Variants in MTERF3 observed in about 807,000 individuals in gnomAD.
MTERF3 encodes transcription termination factor 3, mitochondrial.
Under a neutral mutation model 40.5 loss-of-function variants are expected in MTERF3, and 40 were observed. That is an observed-to-expected ratio of 0.99 (90% CI 0.77 to 1.29). MTERF3 has a LOEUF of 1.29. MTERF3 is among the 50% of genes most tolerant of loss of function. The probability of loss-of-function intolerance (pLI) is 0.00; values close to 1 mark genes in which losing one functional copy is unlikely to be tolerated. For missense variants in MTERF3, 452 were observed against 478.2 expected, an observed-to-expected ratio of 0.95 and a Z score of 0.51; for synonymous variants, 158 against 166.6, an observed-to-expected ratio of 0.95 and a Z score of 0.40.
intron 1 of MTERF3, among the ~76,000 whole-genome samples, chr8:96,260,990 T>C (rs1457701461): frequency 6.6e-6 from 1 of 152,170 alleles, no homozygotes; most frequent in East Asian, 1.9e-4. Flanking sequence ...CCCTGTAAGG[T>C]GGTAACCTGA....
At chr8:96,258,148 T>C (rs1193543284) in intron 2 of MTERF3, 1 of 684,834 alleles carries the variant, frequency 1.5e-6, no homozygotes, top group East Asian at 1.3e-4. Context: ...TATGTGTAGC[T>C]ATAAAATAAT....
rs563023914 is a variant in MTERF3, at chr8:96,260,381, G to A, written c.-11+1120C>T. The A allele has an allele frequency of 2.0e-5, 3 of 150,186 alleles. No individual in the cohort carries two copies. The East Asian group carries it at 5.9e-4, about 30-fold the overall frequency. 9.3% of individuals were successfully genotyped at this position (150,186 alleles called of 1,614,324 possible). ...ACTAAATTGAAAGTCAGAAGACCTCGGTTGTGCTACCTTGACAAGGCTGTT... is the reference window on the plus strand; with the variant it reads ...ACTAAATTGAAAGTCAGAAGACCTCAGTTGTGCTACCTTGACAAGGCTGTT... On this transcript the variant is annotated intron_variant, in intron 1 of 7. Transcript: ENST00000287025.
chr8:96,248,132 A>G (rs1005325834), intron 4 of MTERF3, among the ~76,000 whole-genome samples: 4 of 152,262 alleles, frequency 2.6e-5, no homozygotes, highest in Admixed American at 2.0e-4. Context: ...GAGAGTATAA[A>G]CTGGAAAACA....
At chr8:96,250,146 A>C (rs1810097399) in intron 4 of MTERF3, among the ~76,000 whole-genome samples, 1 of 152,174 alleles carries the variant, frequency 6.6e-6, no homozygotes, top group South Asian at 2.1e-4. Flanking sequence ...AGTGCTCCTT[A>C]AGAAGAAAAC....
chr8:96,250,696 G>GAAGAAGAA (rs1554580097), intron 4 of MTERF3, among the ~76,000 whole-genome samples: 1 of 25,038 alleles, frequency 4.0e-5, no homozygotes, highest in African/African-American at 1.7e-4. Context: ...GGAGGAGGAG[G>GAAGAAGAA]GGGGGAGGGG....
At chr8:96,245,531 G>C (rs1810005271) in intron 6 of MTERF3, among the ~76,000 whole-genome samples, 1 of 152,180 alleles carries the variant, frequency 6.6e-6, no homozygotes, top group Non-Finnish European at 1.5e-5. Flanking sequence ...TGGTAACACT[G>C]CCCAGGTAAC....
chr8:96,250,272 C>T (rs996400876), intron 4 of MTERF3, among the ~76,000 whole-genome samples: 10 of 150,136 alleles, frequency 6.7e-5, no homozygotes, highest in Non-Finnish European at 1.2e-4. Flanking sequence ...ACTACAAAAA[C>T]CACAAAAGAT....
chr8:96,250,699 GGGA>G (rs1563549218), intron 4 of MTERF3, among the ~76,000 whole-genome samples: 27 of 55,030 alleles, frequency 4.9e-4, no homozygotes, highest in South Asian at 8.6e-4. Flanking sequence ...GGAGGAGGGG[GGGA>G]GGGGGAGGGG....
At chr8:96,261,203 C>T (rs761152438) in intron 1 of MTERF3, among the ~76,000 whole-genome samples, 2 of 152,192 alleles carry the variant, frequency 1.3e-5, no homozygotes, top group Non-Finnish European at 2.9e-5. Context: ...GGGGCAGCTT[C>T]CTAATAAAGG....
intron 4 of MTERF3, 42 bp downstream of exon 4, chr8:96,250,864 A>G (rs1395445885): frequency 1.3e-6 from 2 of 1,540,472 alleles, no homozygotes; most frequent in African/African-American, 2.8e-5. Flanking sequence ...TTCCTTCATA[A>G]CCACTTCTTA....
rs1238692856 is a variant in MTERF3, at chr8:96,258,409, C to T, written c.282G>A (p.Gln94=). 3 of 1,613,992 alleles carry T rather than the reference C, an allele frequency of 1.9e-6. No individual in the cohort carries two copies. The highest frequency in any genetic ancestry group is 2.5e-6 in the Non-Finnish European group (3 of 1,179,972). ...TGGATATATTTTGTGTCTTCTGTGACTGTTCATTCATGGAAGGAAGCAGAC... is the reference window on the plus strand; with the variant it reads ...TGGATATATTTTGTGTCTTCTGTGATTGTTCATTCATGGAAGGAAGCAGAC... ...QSSLLPSMNE[Q]SQKTQNISSF... Residue 94 remains glutamine (Q), a synonymous_variant, in exon 2 of 8, where the codon CAG becomes CAA. Coordinates refer to ENST00000287025, the MANE Select transcript of MTERF3 (RefSeq NM_015942.5).
Position 96,239,513 on chromosome 8 carries a change from T to G in MTERF3, c.1232A>C (p.Glu411Ala). The change falls in exon 8 of 8, where the codon GAA becomes GCA. Residue 411 changes from glutamate to alanine, a missense_variant. Coordinates refer to ENST00000287025, the MANE Select transcript of MTERF3 (RefSeq NM_015942.5). ...AATCTAAAGCGTTTTTAAGAATTTTTCAAAGTCCTGTACTGATGCTTTGGC... is the reference window on the plus strand; with the variant it reads ...AATCTAAAGCGTTTTTAAGAATTTTGCAAAGTCCTGTACTGATGCTTTGGC... Reference protein sequence around the residue: ...EIAKASVQDFEKFLKTL With the variant: ...EIAKASVQDFAKFLKTL 1 of 1,593,714 alleles carries G rather than the reference T, an allele frequency of 6.3e-7. No individual in the cohort carries two copies. Among genetic ancestry groups the G allele is most frequent in the Non-Finnish European group, 8.5e-7 (1 of 1,175,376 alleles).
At chr8:96,240,212 C>T (rs1160780423) in intron 7 of MTERF3, among the ~76,000 whole-genome samples, 1 of 151,062 alleles carries the variant, frequency 6.6e-6, no homozygotes, top group African/African-American at 2.4e-5. Context: ...CGCGCCACTG[C>T]ACTCCAGCCT....
intron 4 of MTERF3, among the ~76,000 whole-genome samples, chr8:96,249,828 G>T (rs982659045): frequency 6.6e-6 from 1 of 152,204 alleles, no homozygotes; most frequent in Admixed American, 6.5e-5. Flanking sequence ...AAGAAGAGAA[G>T]AACTGATGGG....
intron 7 of MTERF3, among the ~76,000 whole-genome samples, chr8:96,241,227 T>A (rs185551699): frequency 1.3e-5 from 2 of 151,980 alleles, no homozygotes; most frequent in East Asian, 3.9e-4. Context: ...CTGGCCAACA[T>A]GGTGAAACCT....
At chr8:96,241,137 C>T (rs746803293) in intron 7 of MTERF3, among the ~76,000 whole-genome samples, 2 of 152,170 alleles carry the variant, frequency 1.3e-5, no homozygotes, top group South Asian at 2.1e-4. Context: ...CCCGGCCGGG[C>T]GCGGTGGCTC....
At chr8:96,254,251 C>T (rs1002138683) in intron 3 of MTERF3, among the ~76,000 whole-genome samples, 1 of 152,122 alleles carries the variant, frequency 6.6e-6, no homozygotes, top group African/African-American at 2.4e-5. Flanking sequence ...TATTCATTAC[C>T]TTACATATTC....
chr8:96,252,450 C>A (rs1002246741), intron 3 of MTERF3, among the ~76,000 whole-genome samples: 1 of 152,032 alleles, frequency 6.6e-6, no homozygotes, highest in Admixed American at 6.5e-5. Context: ...AAAAAAATTA[C>A]GTTTAACTAC....
chr8:96,244,423 C>A (rs1003382033), intron 6 of MTERF3, among the ~76,000 whole-genome samples: 6 of 146,724 alleles, frequency 4.1e-5, no homozygotes, highest in Non-Finnish European at 7.5e-5. Context: ...TTTTTTGAGA[C>A]GGAGTCTCGC....
Sources: allele counts gnomAD v4.1 joint callset (sites outside exome capture counted in the v4.1 genomes callset), GRCh38; gene constraint gnomAD v4.1.1; transcripts MANE v1.5; gene names NCBI Gene and HGNC (gene_info 2026-07-23, HGNC 2026-07-21).